Variants in ATG10 observed in about 807,000 individuals in gnomAD.
ATG10 encodes the protein ubiquitin-like-conjugating enzyme ATG10.
A neutral mutation model predicts 32.1 loss-of-function variants in ATG10; 30 were observed. That is an observed-to-expected ratio of 0.94 (90% confidence interval 0.70 to 1.27). The LOEUF is 1.27. ATG10 is among the 50% of genes most tolerant of loss of function. ATG10 has a pLI of 0.00. For synonymous variants in ATG10, 87 were observed against 91.5 expected (o/e 0.95, Z 0.28); for missense variants, 233 against 262.3 (o/e 0.89, Z 0.77).
intron 2 of ATG10, among the ~76,000 whole-genome samples, chr5:82,057,280 T>C (rs1763634559): frequency 6.6e-6 from 1 of 152,146 alleles, no homozygotes; most frequent in Admixed American, 6.5e-5. Context: ...CCTAGGAATG[T>C]TATAACAAGG....
intron 2 of ATG10, among the ~76,000 whole-genome samples, chr5:82,003,134 C>T (rs1761895004): frequency 6.6e-6 from 1 of 151,994 alleles, no homozygotes; most frequent in Admixed American, 6.6e-5. Flanking sequence ...TACAAAAATG[C>T]AAATAAGTAC....
At chr5:82,050,169 T>G (rs1366006302) in intron 2 of ATG10, among the ~76,000 whole-genome samples, 1 of 152,098 alleles carries the variant, frequency 6.6e-6, no homozygotes, top group Admixed American at 6.6e-5. Context: ...TGTAAGCATA[T>G]ACAGAATTAC....
At chr5:82,139,527 G>C (rs1284639522) in intron 3 of ATG10, among the ~76,000 whole-genome samples, 71 of 144,454 alleles carry the variant, frequency 4.9e-4, no homozygotes, top group Non-Finnish European at 8.9e-4. Flanking sequence ...GCCTCTGCCC[G>C]GCCGAGACCC....
chr5:82,153,309 A>G (rs1385275439), intron 3 of ATG10, among the ~76,000 whole-genome samples: 1 of 152,168 alleles, frequency 6.6e-6, no homozygotes, highest in Non-Finnish European at 1.5e-5. Flanking sequence ...TGTGCTGTCC[A>G]TGCATATACA....
At chr5:82,094,957 T>G (rs1165493241) in intron 3 of ATG10, among the ~76,000 whole-genome samples, 2 of 152,118 alleles carry the variant, frequency 1.3e-5, no homozygotes, top group Non-Finnish European at 2.9e-5. Flanking sequence ...CACATACATA[T>G]ACACATATAA....
chr5:82,164,329 C>G (rs1476547520), intron 3 of ATG10, 70 bp from the exon 4 acceptor site: 5 of 1,422,318 alleles, frequency 3.5e-6, no homozygotes, highest in Admixed American at 1.9e-5. Flanking sequence ...AAAATCTCCT[C>G]TTTTCCTCTC....
Position 82,164,276 on chromosome 5 carries a change from G to T in ATG10, c.217-123G>T. 1 of 956,140 alleles carries T rather than the reference G, an allele frequency of 1.0e-6. No homozygotes were observed. The highest frequency in any genetic ancestry group is 1.6e-6 in the Non-Finnish European group (1 of 638,586). The allele number at this position is 956,140 out of a possible 1,614,324, so 59.2% of individuals were successfully genotyped here. On this transcript the variant is annotated intron_variant, in intron 3 of 7. Transcript: ENST00000282185. ...TAATATGGGAAACTCCCTTTTCCTT[G>T]CCTCATAGCCTTATATTTATTTAAC...
intron 5 of ATG10, among the ~76,000 whole-genome samples, chr5:82,217,418 A>T (rs897399759): frequency 1.3e-5 from 2 of 152,156 alleles, no homozygotes; most frequent in Non-Finnish European, 2.9e-5. Flanking sequence ...TAGTAATATT[A>T]CATTTACTAT....
At chr5:82,082,125 TG>T (rs1764503710) in intron 3 of ATG10, among the ~76,000 whole-genome samples, 1 of 152,040 alleles carries the variant, frequency 6.6e-6, no homozygotes, top group Admixed American at 6.5e-5. Context: ...ATGGGAATTG[TG>T]GGAGTTACAA....
intron 3 of ATG10, among the ~76,000 whole-genome samples, chr5:82,162,595 T>A (rs1307263391): frequency 6.6e-6 from 1 of 152,170 alleles, no homozygotes; most frequent in Non-Finnish European, 1.5e-5. Flanking sequence ...TGCTGTGATA[T>A]TCATTGCAGC....
intron 2 of ATG10, among the ~76,000 whole-genome samples, chr5:82,036,649 T>G (rs967042875): frequency 1.3e-5 from 2 of 152,194 alleles, no homozygotes; most frequent in African/African-American, 2.4e-5. Context: ...TATCTGTTAA[T>G]TCTACATTTT....
chr5:82,050,959 T>A (rs1473788947), intron 2 of ATG10, among the ~76,000 whole-genome samples: 1 of 151,616 alleles, frequency 6.6e-6, no homozygotes, highest in Non-Finnish European at 1.5e-5. Flanking sequence ...TGCAATGAGC[T>A]GTGATCATGC....
intron 5 of ATG10, among the ~76,000 whole-genome samples, chr5:82,236,141 G>A (rs1746542611): frequency 1.3e-5 from 2 of 152,106 alleles, no homozygotes; most frequent in Admixed American, 1.3e-4. Context: ...TGAGGCTGGT[G>A]GCTGGGGTGG....
At chr5:82,028,006 A>G (rs1391951971) in intron 2 of ATG10, among the ~76,000 whole-genome samples, 1 of 152,246 alleles carries the variant, frequency 6.6e-6, no homozygotes, top group Non-Finnish European at 1.5e-5. Flanking sequence ...CAACAATGTT[A>G]GATTAAGCTA....
intron 5 of ATG10, among the ~76,000 whole-genome samples, chr5:82,191,946 A>G (rs1026585585): frequency 6.6e-5 from 10 of 152,190 alleles, no homozygotes; most frequent in Non-Finnish European, 1.5e-4. Flanking sequence ...CAGACACTGG[A>G]AAGCTAATAC....
chr5:82,116,468 C>T (rs1443669746), intron 3 of ATG10, among the ~76,000 whole-genome samples: 1 of 151,998 alleles, frequency 6.6e-6, no homozygotes, highest in East Asian at 1.9e-4. Flanking sequence ...TATTGTTGAG[C>T]AAGAATTTCT....
intron 2 of ATG10, among the ~76,000 whole-genome samples, chr5:82,047,022 G>A (rs1298055131): frequency 1.3e-5 from 2 of 149,682 alleles, no homozygotes; most frequent in Non-Finnish European, 1.5e-5. Flanking sequence ...TATTGGAAAA[G>A]CAAAACTAAG....
rs189645037 is a variant in ATG10, at chr5:82,049,788, G to A, written c.109-8707G>A. 3.1e-3 allele frequency among the ~76,000 whole-genome samples: 470 copies of A among 152,172 alleles called. 7 individuals are homozygous for A. Among genetic ancestry groups the A allele is most frequent in the Non-Finnish European group, 6.0e-4 (41 of 67,978 alleles). ...GGTAAGAAAATAAAAACAAAAATTA[G>A]TTTAACACTTCATGGTTCTTAGAAT... On this transcript the variant is annotated intron_variant, in intron 2 of 7. Transcript: ENST00000282185.
intron 2 of ATG10, among the ~76,000 whole-genome samples, chr5:82,010,926 A>G (rs1359352269): frequency 2.0e-5 from 3 of 152,202 alleles, no homozygotes; most frequent in Admixed American, 6.5e-5. Flanking sequence ...TTTATTTTAC[A>G]TAAAGATAGT....
Sources: gnomAD v4.1 joint callset for allele counts (sites outside exome capture counted in the v4.1 genomes callset) on GRCh38, gnomAD v4.1.1 for gene constraint, MANE v1.5 for transcripts, NCBI Gene and HGNC (gene_info 2026-07-23, HGNC 2026-07-21) for gene names.